GABRB2: variants seen among roughly 807,000 people sequenced by gnomAD.
GABRB2 encodes gamma-aminobutyric acid type A receptor subunit beta2.
Under a neutral mutation model 54.7 loss-of-function variants are expected in GABRB2, and 16 were observed. The ratio of observed to expected loss-of-function variants is 0.29; its 90% CI spans 0.20 to 0.44. The LOEUF (loss-of-function observed/expected upper bound fraction) is 0.44, where lower values mean the gene tolerates loss of function less well. GABRB2 is among the 20% of genes least tolerant of loss of function. The pLI is 1.00. For synonymous variants in GABRB2, 244 were observed against 233.8 expected, an observed-to-expected ratio of 1.04 and a Z score of -0.40; for missense variants, 355 against 644.0, an observed-to-expected ratio of 0.55 and a Z score of 4.86.
chr5:161,347,898 G>A (rs1754364804), intron 5 of GABRB2, among the ~76,000 whole-genome samples: 1 of 152,004 alleles, frequency 6.6e-6, no homozygotes, highest in African/African-American at 2.4e-5. Flanking sequence ...TTTAGTTCCA[G>A]GATGACATTC....
chr5:161,496,019 T>C (rs534293428), intron 3 of GABRB2, among the ~76,000 whole-genome samples: 1 of 152,176 alleles, frequency 6.6e-6, no homozygotes, highest in African/African-American at 2.4e-5. Flanking sequence ...GGTGGAGGTG[T>C]TAAGGAGGTC....
At chr5:161,300,575 GA>G (rs2113344958) in intron 9 of GABRB2, among the ~76,000 whole-genome samples, 1 of 152,274 alleles carries the variant, frequency 6.6e-6, no homozygotes, top group South Asian at 2.1e-4. Context: ...ATCAACCAGG[GA>G]AACCTGACTC....
chr5:161,348,683 A>G lies in GABRB2; in HGVS notation c.542-11914T>C, dbSNP rs184083636. On this transcript the variant is annotated intron_variant, in intron 5 of 9. Coordinates refer to ENST00000393959, the MANE Select transcript of GABRB2 (RefSeq NM_001371727.1). The stretch of plus-strand genomic sequence containing the variant: ...TTAAAATTATAAACAATTCATTACA[A>G]TTTTAATTATTAAAAATTACCAAAA... Among the ~76,000 whole-genome samples, 78 of 152,232 alleles carry G rather than the reference A, an allele frequency of 5.1e-4. 1 individual carries two copies. The highest frequency in any genetic ancestry group is 3.1e-3 in the Admixed American group (47 of 15,276).
intron 9 of GABRB2, among the ~76,000 whole-genome samples, chr5:161,308,479 T>A (rs1757766357): frequency 6.6e-6 from 1 of 152,366 alleles, no homozygotes; most frequent in South Asian, 2.1e-4. Context: ...ATCATGGATA[T>A]TCTTCTCAGA....
At chr5:161,366,553 CTCACCATTATACTT>C (rs2113460615) in intron 5 of GABRB2, among the ~76,000 whole-genome samples, 1 of 152,280 alleles carries the variant, frequency 6.6e-6, no homozygotes, top group Admixed American at 6.5e-5. Flanking sequence ...AGAAATAACA[CTCACCATTATACTT>C]TTAGCACAAG....
intron 5 of GABRB2, among the ~76,000 whole-genome samples, chr5:161,385,105 C>T (rs1755584134): frequency 6.6e-6 from 1 of 152,136 alleles, no homozygotes; most frequent in African/African-American, 2.4e-5. Context: ...CATCCCTGAC[C>T]TCTTCCAGAA....
At chr5:161,314,701 A>G (rs930785454) in intron 9 of GABRB2, among the ~76,000 whole-genome samples, 1 of 151,400 alleles carries the variant, frequency 6.6e-6, no homozygotes, top group Admixed American at 6.6e-5. Flanking sequence ...TCTTTCTGCC[A>G]TCTCCCTTCC....
intron 5 of GABRB2, among the ~76,000 whole-genome samples, chr5:161,399,547 C>A (rs1756117944): frequency 6.6e-6 from 1 of 152,120 alleles, no homozygotes; most frequent in African/African-American, 2.4e-5. Context: ...CCCAATATAC[C>A]AGCAGGACTA....
intron 4 of GABRB2, among the ~76,000 whole-genome samples, chr5:161,413,850 T>C (rs1441200026): frequency 6.6e-6 from 1 of 152,144 alleles, no homozygotes; most frequent in East Asian, 1.9e-4. Context: ...ATTGTGTTAA[T>C]GAGTGAAGTT....
intron 3 of GABRB2, among the ~76,000 whole-genome samples, chr5:161,510,525 G>A (rs145643496): frequency 2.6e-5 from 4 of 151,888 alleles, no homozygotes; most frequent in African/African-American, 9.7e-5. Flanking sequence ...AAAGCACAAA[G>A]TTCTCTCAGT....
chr5:161,476,286 A>C (rs1758589252), intron 3 of GABRB2, among the ~76,000 whole-genome samples: 1 of 151,900 alleles, frequency 6.6e-6, no homozygotes, highest in South Asian at 2.1e-4. Context: ...AAAGAAATTA[A>C]AGACACAAAT....
chr5:161,415,405 A>G (rs762378324), intron 4 of GABRB2, among the ~76,000 whole-genome samples: 19 of 152,320 alleles, frequency 1.2e-4, no homozygotes, highest in Admixed American at 6.5e-4. Flanking sequence ...TTATCCAAAA[A>G]TGAATTGTAT....
Position 161,370,888 on chromosome 5 carries a change from T to C in GABRB2, c.542-34119A>G, listed in dbSNP as rs187362622. 3.3e-5 allele frequency among the ~76,000 whole-genome samples: 5 copies of C among 152,324 alleles called. No individual in the cohort carries two copies. The South Asian group carries it at 1.0e-3, about 32-fold the overall frequency. ...CATGTGAACAAGTAACCCCAGACTT[T>C]ACGTTTTGGAAAAGTCAGCAACGAC... On this transcript the variant is annotated intron_variant, in intron 5 of 9. Coordinates refer to ENST00000393959, the MANE Select transcript of GABRB2 (RefSeq NM_001371727.1).
chr5:161,369,858 A>C (rs1234943455), intron 5 of GABRB2, among the ~76,000 whole-genome samples: 1 of 152,096 alleles, frequency 6.6e-6, no homozygotes, highest in Non-Finnish European at 1.5e-5. Flanking sequence ...CTTACTGTGC[A>C]TCTAACTTGT....
In GABRB2 at chr5:161,493,355, C is replaced by T. The variant is rs76959410; in HGVS notation, c.238-33511G>A. Among the ~76,000 whole-genome samples, 79 of 151,686 alleles carry T rather than the reference C, an allele frequency of 5.2e-4. 3 individuals are homozygous for T. In the East Asian group the frequency reaches 0.013, roughly 25 times the overall value. On this transcript the variant is annotated intron_variant, in intron 3 of 9. Transcript: ENST00000393959. ...CTATGTGTCCCCACCTCCAACCCCC[C>T]GCAACAATTCTGGAAAATAAGTATG...
intron 5 of GABRB2, among the ~76,000 whole-genome samples, chr5:161,368,314 A>T (rs1755029307): frequency 6.6e-6 from 1 of 152,178 alleles, no homozygotes; most frequent in African/African-American, 2.4e-5. Flanking sequence ...TTAACAGTGA[A>T]TGATCAATAA....
rs1299680517 is a variant in GABRB2, at chr5:161,290,635, T to C, written c.*3446A>G. 3 of 152,616 alleles carry C rather than the reference T, an allele frequency of 2.0e-5. No individual in the cohort carries two copies. 9.5% of individuals were successfully genotyped at this position (152,616 alleles called of 1,614,324 possible). A position where few individuals can be genotyped will look rare whatever the true frequency, so the allele number is the denominator to read the frequency against. ...ATGCATATATATGTATGTATGTTTA[T>C]ATGAATCTATATATACACATATATA... On this transcript the variant is annotated 3_prime_UTR_variant, in exon 10 of 10. Coordinates refer to ENST00000393959, the MANE Select transcript of GABRB2 (RefSeq NM_001371727.1).
intron 9 of GABRB2, among the ~76,000 whole-genome samples, chr5:161,319,431 TTATATA>T (rs558860904): frequency 6.8e-6 from 1 of 147,110 alleles, no homozygotes; most frequent in Non-Finnish European, 1.5e-5. Flanking sequence ...TATATTTATT[TTATATA>T]TATATAAAGT....
chr5:161,318,422 T>G (rs1229758369), intron 9 of GABRB2, among the ~76,000 whole-genome samples: 2 of 152,044 alleles, frequency 1.3e-5, no homozygotes, highest in Non-Finnish European at 2.9e-5. Flanking sequence ...AGGTTAGATA[T>G]ATGGTATTAT....
Sources: gnomAD v4.1 joint callset for allele counts (sites outside exome capture counted in the v4.1 genomes callset) on GRCh38, gnomAD v4.1.1 for gene constraint, MANE v1.5 for transcripts, NCBI Gene and HGNC (gene_info 2026-07-23, HGNC 2026-07-21) for gene names.